Variants in TRPM3 observed in about 807,000 individuals in gnomAD.
TRPM3 encodes the protein transient receptor potential cation channel subfamily M member 3, also known as long transient receptor potential channel 3.
Under a neutral mutation model 181.2 loss-of-function variants are expected in TRPM3, and 77 were observed. The ratio of observed to expected loss-of-function variants is 0.42; its 90% CI spans 0.35 to 0.51. TRPM3 has a LOEUF of 0.51. TRPM3 is among the 20% of genes least tolerant of loss of function. The pLI is 0.01. For synonymous variants in TRPM3, 745 were observed against 796.4 expected, an observed-to-expected ratio of 0.94 and a Z score of 1.09; for missense variants, 1,759 against 2,196.7, an observed-to-expected ratio of 0.80 and a Z score of 3.98.
intron 1 of TRPM3, among the ~76,000 whole-genome samples, chr9:71,328,222 T>C (rs1244833209): frequency 6.6e-6 from 1 of 152,206 alleles, no homozygotes; most frequent in Non-Finnish European, 1.5e-5. Flanking sequence ...TGGAGTGCAG[T>C]GGCTGATCTC....
intron 1 of TRPM3, among the ~76,000 whole-genome samples, chr9:71,089,446 A>G (rs1273966831): frequency 1.3e-5 from 2 of 151,814 alleles, no homozygotes; most frequent in East Asian, 1.9e-4. Context: ...TGTCTATATT[A>G]TCTGTATCTT....
At chr9:70,986,753 T>C (rs1416320252) in intron 1 of TRPM3, among the ~76,000 whole-genome samples, 2 of 152,182 alleles carry the variant, frequency 1.3e-5, no homozygotes, top group Non-Finnish European at 2.9e-5. Context: ...CAAAAACAGA[T>C]GTATAATCTA....
At chr9:70,879,083 T>C (rs1236779052) in intron 1 of TRPM3, among the ~76,000 whole-genome samples, 1 of 152,142 alleles carries the variant, frequency 6.6e-6, no homozygotes, top group Non-Finnish European at 1.5e-5. Context: ...GCTTTTATTA[T>C]GCTCATTTTG....
chr9:71,181,918 C>A (rs2077426949), intron 1 of TRPM3, among the ~76,000 whole-genome samples: 1 of 152,050 alleles, frequency 6.6e-6, no homozygotes, highest in Non-Finnish European at 1.5e-5. Flanking sequence ...ACACAAATTC[C>A]TGGGCCACTC....
chr9:70,864,381 T>A (rs2095593906), intron 2 of TRPM3, 51 bp downstream of exon 2: 1 of 1,306,018 alleles, frequency 7.7e-7, no homozygotes, highest in Non-Finnish European at 1.0e-6. Context: ...CTTGCAGGTT[T>A]TTTGTATAAT....
chr9:71,211,702 A>G (rs974970180), intron 1 of TRPM3, among the ~76,000 whole-genome samples: 4 of 152,100 alleles, frequency 2.6e-5, no homozygotes, highest in Non-Finnish European at 4.4e-5. Context: ...CCTTCACATG[A>G]CATTCTCCCT....
chr9:71,404,626 C>T (rs2093402779), intron 1 of TRPM3, among the ~76,000 whole-genome samples: 2 of 152,126 alleles, frequency 1.3e-5, no homozygotes, highest in Non-Finnish European at 2.9e-5. Flanking sequence ...CTGGTCTTTT[C>T]CTCTCCACTA....
chr9:70,869,760 AGC>A (rs2095748797), intron 1 of TRPM3, among the ~76,000 whole-genome samples: 1 of 152,018 alleles, frequency 6.6e-6, no homozygotes, highest in Admixed American at 6.6e-5. Context: ...AAAAGAGGTG[AGC>A]TGTGACCACG....
intron 1 of TRPM3, among the ~76,000 whole-genome samples, chr9:71,430,584 C>A (rs1047645537): frequency 6.6e-6 from 1 of 151,950 alleles, no homozygotes; most frequent in Non-Finnish European, 1.5e-5. Flanking sequence ...GAGGCTGAGG[C>A]GGGTGGATCA....
At chr9:71,062,980 A>G (rs932156518) in intron 1 of TRPM3, among the ~76,000 whole-genome samples, 4 of 152,296 alleles carry the variant, frequency 2.6e-5, no homozygotes, top group Admixed American at 2.0e-4. Context: ...ACAACACAAA[A>G]GGGACTAAGA....
chr9:71,359,062 C>A (rs1196966234), intron 1 of TRPM3, among the ~76,000 whole-genome samples: 1 of 152,098 alleles, frequency 6.6e-6, no homozygotes, highest in East Asian at 1.9e-4. Context: ...AAATGAAAGC[C>A]AAGAATCATT....
intron 1 of TRPM3, among the ~76,000 whole-genome samples, chr9:71,262,704 C>A (rs10869006): frequency 6.6e-6 from 1 of 152,046 alleles, no homozygotes; most frequent in Admixed American, 6.5e-5. Context: ...TTGTGAAGAC[C>A]GTGGGAAAAG....
chr9:70,691,256 A>T (rs1269983442), intron 8 of TRPM3, among the ~76,000 whole-genome samples: 1 of 152,216 alleles, frequency 6.6e-6, no homozygotes, highest in African/African-American at 2.4e-5. Context: ...CTAGGGAGCT[A>T]GAAATTGGGT....
At chr9:71,343,399 CT>C (rs756298738) in intron 1 of TRPM3, among the ~76,000 whole-genome samples, 54 of 152,126 alleles carry the variant, frequency 3.5e-4, no homozygotes, top group South Asian at 3.1e-3. Flanking sequence ...ACTTCCTGAA[CT>C]TTTATTAGTA....
intron 1 of TRPM3, among the ~76,000 whole-genome samples, chr9:71,118,245 A>C (rs2134328789): frequency 6.6e-6 from 1 of 152,264 alleles, no homozygotes; most frequent in Middle Eastern, 3.4e-3. Context: ...ATGCAACCCC[A>C]AATTCAAAAT....
intron 1 of TRPM3, among the ~76,000 whole-genome samples, chr9:71,013,012 C>A (rs1465364054): frequency 6.6e-6 from 1 of 152,078 alleles, no homozygotes; most frequent in Admixed American, 6.5e-5. Context: ...TTTGGAGACA[C>A]ACATACACAG....
chr9:71,134,034 T>A (rs988109564), intron 1 of TRPM3, among the ~76,000 whole-genome samples: 3 of 151,524 alleles, frequency 2.0e-5, no homozygotes, highest in Non-Finnish European at 4.4e-5. Flanking sequence ...CGCGCGCGCG[T>A]GTCTGTGTTT....
At chr9:71,132,957 T>C (rs1273885203) in intron 1 of TRPM3, among the ~76,000 whole-genome samples, 1 of 152,180 alleles carries the variant, frequency 6.6e-6, no homozygotes, top group East Asian at 1.9e-4. Flanking sequence ...TATAGTACAG[T>C]ACTCAATCAT....
intron 1 of TRPM3, among the ~76,000 whole-genome samples, chr9:71,027,917 C>T (rs1210843066): frequency 6.6e-6 from 1 of 152,134 alleles, no homozygotes; most frequent in Non-Finnish European, 1.5e-5. Context: ...ATGAAAACTT[C>T]CCCAACCTAG....
Sources: gnomAD v4.1 joint callset for allele counts (sites outside exome capture counted in the v4.1 genomes callset) on GRCh38, gnomAD v4.1.1 for gene constraint, MANE v1.5 for transcripts, NCBI Gene and HGNC (gene_info 2026-07-23, HGNC 2026-07-21) for gene names.